The following ASTN1 variants were observed in gnomAD, a reference collection of about 807,000 sequenced individuals.
The protein encoded by ASTN1 is astrotactin-1.
ASTN1 carries 41 observed loss-of-function variants against 140.7 expected under a neutral mutation model. That is an observed-to-expected ratio of 0.29 (90% CI 0.23 to 0.38). ASTN1 has a LOEUF of 0.38. ASTN1 is among the 10% of genes least tolerant of loss of function. ASTN1 has a pLI of 1.00. For synonymous variants in ASTN1, 640 were observed against 652.2 expected (o/e 0.98, Z 0.29); for missense variants, 1,479 against 1,678.8 (o/e 0.88, Z 2.08).
Position 177,062,127 on chromosome 1 carries a change from T to C in ASTN1, c.284-862A>G, listed in dbSNP as rs536949127. On this transcript the variant is annotated intron_variant, in intron 1 of 22. Transcript: ENST00000361833. ...CTCAAGCAATATTATATCAAAGCTC[T>C]GAGACATAACACAGTAGAAAAACCT... is the stretch of plus-strand genomic sequence containing the variant. 5.9e-5 allele frequency among the ~76,000 whole-genome samples: 9 copies of C among 152,326 alleles called. No homozygotes were observed. The East Asian group carries it at 1.7e-3, about 29-fold the overall frequency.
At chr1:176,968,510 T>G (rs1672992256) in intron 8 of ASTN1, among the ~76,000 whole-genome samples, 2 of 152,194 alleles carry the variant, frequency 1.3e-5, no homozygotes, top group Non-Finnish European at 2.9e-5. Flanking sequence ...GTCACTTCAC[T>G]GGGCAACTCA....
intron 1 of ASTN1, among the ~76,000 whole-genome samples, chr1:177,130,445 C>A (rs1260146428): frequency 6.6e-6 from 1 of 152,110 alleles, no homozygotes; most frequent in Non-Finnish European, 1.5e-5. Context: ...TGGCATGGCA[C>A]CTACCTAATG....
At chr1:176,928,678 C>T (rs1042097147) in intron 16 of ASTN1, among the ~76,000 whole-genome samples, 6 of 152,184 alleles carry the variant, frequency 3.9e-5, no homozygotes, top group Admixed American at 6.5e-5. Flanking sequence ...TTGATGCCCT[C>T]TTTCAAACTA....
chr1:177,065,949 AG>A (rs1355887963), intron 1 of ASTN1, among the ~76,000 whole-genome samples: 1 of 152,232 alleles, frequency 6.6e-6, no homozygotes, highest in East Asian at 1.9e-4. Flanking sequence ...GAGGAGGCCT[AG>A]GTATGGTACG....
chr1:177,027,553 G>A (rs533214621), intron 5 of ASTN1, among the ~76,000 whole-genome samples: 5 of 149,936 alleles, frequency 3.3e-5, no homozygotes, highest in African/African-American at 7.4e-5. Flanking sequence ...TCTCGTGTGC[G>A]TATATATTTA....
At chr1:177,028,789 A>T (rs1298896703) in intron 5 of ASTN1, among the ~76,000 whole-genome samples, 1 of 152,240 alleles carries the variant, frequency 6.6e-6, no homozygotes, top group Non-Finnish European at 1.5e-5. Flanking sequence ...TTTAATCCTG[A>T]TAAAGCTCTA....
At chr1:176,933,732 C>A (rs1170810156) in intron 16 of ASTN1, among the ~76,000 whole-genome samples, 1 of 152,166 alleles carries the variant, frequency 6.6e-6, no homozygotes, top group African/African-American at 2.4e-5. Flanking sequence ...AAGGGGTTTA[C>A]TATGTATGTA....
Position 177,061,105 on chromosome 1 carries a change from C to G in ASTN1, c.444G>C (p.Glu148Asp). Reference protein sequence around the residue: ...EEPQHESAEEELRILHISVMG... With the variant: ...EEPQHESAEEDLRILHISVMG... The stretch of plus-strand genomic sequence containing the variant: ...TGACTGAGATGTGGAGGATCCTCAG[C>G]TCCTCTTCTGCCGACTCATGTTGGG... Residue 148 changes from glutamate (E) to aspartate (D), a missense_variant, in exon 2 of 23, where the codon GAG (glutamate) becomes GAC (aspartate). Around this residue, in one of 3 missense-constraint regions of ASTN1, gnomAD observed 729 missense variants for 860.4 expected, o/e 0.85. Coordinates refer to ENST00000361833, the MANE Select transcript of ASTN1 (RefSeq NM_004319.3). 1 of 1,609,356 alleles carries G rather than the reference C, an allele frequency of 6.2e-7. No homozygotes were observed. The highest frequency in any genetic ancestry group is 8.5e-7 in the Non-Finnish European group (1 of 1,177,752).
At chr1:176,872,969 A>G (rs1276179872) in intron 21 of ASTN1, among the ~76,000 whole-genome samples, 2 of 152,212 alleles carry the variant, frequency 1.3e-5, no homozygotes, top group Non-Finnish European at 2.9e-5. Flanking sequence ...CATCCTTACT[A>G]AGATATAAGC....
rs555421802 is a variant in ASTN1, at chr1:176,957,292, T to C, written c.1887+386A>G. ...TGCTGTGGTCACAGAGGGGACAAAG[T>C]TTTTTTTTTAATTTTTATTTTTTCA... On this transcript the variant is annotated intron_variant, in intron 11 of 22. Transcript: ENST00000361833. Among the ~76,000 whole-genome samples the C allele has an allele frequency of 1.2e-4, 18 of 149,612 alleles. No individual in the cohort carries two copies. In the East Asian group the frequency reaches 3.5e-3, roughly 29 times the overall value.
At chr1:177,012,181 T>A (rs1037650412) in intron 8 of ASTN1, among the ~76,000 whole-genome samples, 2 of 152,222 alleles carry the variant, frequency 1.3e-5, no homozygotes, top group East Asian at 1.9e-4. Flanking sequence ...CAGACAGTTT[T>A]CAATTCGAGT....
chr1:176,872,932 A>G (rs577868873), intron 21 of ASTN1, among the ~76,000 whole-genome samples: 1 of 152,270 alleles, frequency 6.6e-6, no homozygotes, highest in Non-Finnish European at 1.5e-5. Context: ...GAAATATTAT[A>G]CACATTACTG....
chr1:177,158,655 CGT>C (rs34610563), intron 1 of ASTN1, among the ~76,000 whole-genome samples: 9,361 of 142,556 alleles, frequency 0.066, 571 homozygotes, highest in African/African-American at 0.17. Flanking sequence ...GAAAAAAGTA[CGT>C]GTGTGTGTGT....
At chr1:176,911,513 T>C (rs1336986339) in intron 16 of ASTN1, among the ~76,000 whole-genome samples, 1 of 152,172 alleles carries the variant, frequency 6.6e-6, no homozygotes, top group Admixed American at 6.5e-5. Flanking sequence ...TTGTATATGC[T>C]TTTCTCTATT....
chr1:177,045,768 G>A (rs1394282115), intron 2 of ASTN1, among the ~76,000 whole-genome samples: 1 of 152,138 alleles, frequency 6.6e-6, no homozygotes, highest in Non-Finnish European at 1.5e-5. Context: ...AAACTAACCT[G>A]AACGTTAATC....
chr1:177,053,937 G>T (rs1469080876), intron 2 of ASTN1, among the ~76,000 whole-genome samples: 2 of 152,216 alleles, frequency 1.3e-5, no homozygotes, highest in African/African-American at 4.8e-5. Context: ...CATCATGGTT[G>T]TTGGTCCTAG....
chr1:177,076,922 A>T (rs540384061), intron 1 of ASTN1, among the ~76,000 whole-genome samples: 14 of 152,162 alleles, frequency 9.2e-5, no homozygotes, highest in Non-Finnish European at 1.5e-4. Context: ...CTAGAAAGAA[A>T]GTCTGTCATC....
chr1:177,051,732 G>A (rs776092093), intron 2 of ASTN1, among the ~76,000 whole-genome samples: 20 of 152,070 alleles, frequency 1.3e-4, no homozygotes, highest in Non-Finnish European at 2.1e-4. Context: ...AGTGTGATCT[G>A]GAGAAAAGGT....
chr1:176,911,063 C>T (rs1670217347), intron 16 of ASTN1, among the ~76,000 whole-genome samples: 1 of 152,198 alleles, frequency 6.6e-6, no homozygotes, highest in Non-Finnish European at 1.5e-5. Context: ...GGCTATAAAC[C>T]TGTACAACAT....
Sources: allele counts gnomAD v4.1 joint callset (sites outside exome capture counted in the v4.1 genomes callset), GRCh38; gene constraint gnomAD v4.1.1; regional missense constraint gnomAD v4.1.1; transcripts MANE v1.5; gene names NCBI Gene and HGNC (gene_info 2026-07-23, HGNC 2026-07-21).